The following PTPRT variants were observed in gnomAD, a reference collection of about 807,000 sequenced individuals.
PTPRT encodes the protein protein tyrosine phosphatase receptor type T, also known as receptor-type tyrosine-protein phosphatase T.
PTPRT carries 56 observed loss-of-function variants against 176.8 expected under a neutral mutation model. The observed-to-expected ratio is 0.32, with a 90% CI of 0.26 to 0.40. PTPRT has a LOEUF of 0.40. Among genes scored for constraint, PTPRT ranks in the 10% least tolerant of loss-of-function variants. The probability of loss-of-function intolerance (pLI) is 1.00; values close to 1 mark genes in which losing one functional copy is unlikely to be tolerated. For synonymous variants in PTPRT, 783 were observed against 739.0 expected, an observed-to-expected ratio of 1.06 and a Z score of -0.96; for missense variants, 1,540 against 1,908.2, an observed-to-expected ratio of 0.81 and a Z score of 3.60.
rs545813943 is a variant in PTPRT at position 42,894,228 on chromosome 20, G to A, written c.89-8296C>T. ...TTCAAGGAGAAATGAGAGTATTTGC[G>A]AGAGGACCAGAATGACAGCTGAGAC... On this transcript the variant is annotated intron_variant, in intron 1 of 30. Coordinates refer to ENST00000373187, the MANE Select transcript of PTPRT (RefSeq NM_007050.6). Among the ~76,000 whole-genome samples the A allele has an allele frequency of 1.6e-4, 25 of 152,202 alleles. No individual in the cohort carries two copies. The South Asian group carries it at 3.5e-3, about 21-fold the overall frequency.
At chr20:43,069,243 G>T (rs1414105843) in intron 1 of PTPRT, among the ~76,000 whole-genome samples, 1 of 152,054 alleles carries the variant, frequency 6.6e-6, no homozygotes, top group East Asian at 1.9e-4. Flanking sequence ...CATATGCTTG[G>T]GTCCCTCGGT....
intron 7 of PTPRT, among the ~76,000 whole-genome samples, chr20:42,637,599 C>T (rs1194933721): frequency 6.6e-6 from 1 of 152,124 alleles, no homozygotes; most frequent in Non-Finnish European, 1.5e-5. Context: ...CACAGTTCCC[C>T]TTTCATTACT....
Position 42,248,792 on chromosome 20 carries a change from T to A in PTPRT, c.2207A>T (p.Glu736Val), listed in dbSNP as rs765058435. 6.2e-7 allele frequency: 1 copy of A among 1,613,938 alleles called. No homozygotes were observed. The highest frequency in any genetic ancestry group is 1.1e-5 in the South Asian group (1 of 91,058). ...GGTGTTGTCCACCTGCTTCTCTGGC[T>A]CCACAGTGTTAGAATTCTGGGTGGA... is the stretch of plus-strand genomic sequence containing the variant. ...GASTQNSNTV[E>V]PEKQVDNTVK... is the part of the protein sequence containing the mutation. The change falls in exon 14 of 31, where the codon GAG (glutamate) becomes GTG (valine). Residue 736 changes from glutamate to valine, a missense_variant. Glu to Val is a moderately radical substitution (Grantham distance 121, BLOSUM62 -2). Coordinates refer to ENST00000373187, the MANE Select transcript of PTPRT (RefSeq NM_007050.6).
intron 15 of PTPRT, among the ~76,000 whole-genome samples, chr20:42,220,287 G>C (rs886091786): frequency 1.3e-5 from 2 of 152,204 alleles, no homozygotes; most frequent in African/African-American, 4.8e-5. Context: ...GGAAGACTCA[G>C]TATTGTTAAG....
chr20:42,693,053 T>C (rs2075816728), intron 6 of PTPRT, among the ~76,000 whole-genome samples: 1 of 152,228 alleles, frequency 6.6e-6, no homozygotes, highest in South Asian at 2.1e-4. Flanking sequence ...TTTACTGCAT[T>C]CTGTTCTACT....
chr20:43,034,368 G>A (rs986527424), intron 1 of PTPRT, among the ~76,000 whole-genome samples: 6 of 152,042 alleles, frequency 3.9e-5, no homozygotes, highest in Non-Finnish European at 7.4e-5. Flanking sequence ...CCCTATTCAC[G>A]ATTGCTACTG....
chr20:42,319,738 T>G (rs1398109494), intron 11 of PTPRT, among the ~76,000 whole-genome samples: 1 of 152,224 alleles, frequency 6.6e-6, no homozygotes, highest in African/African-American at 2.4e-5. Flanking sequence ...GTATTATTTG[T>G]ATTTCTTGCA....
chr20:42,635,850 T>C (rs2074585273), intron 7 of PTPRT, among the ~76,000 whole-genome samples: 1 of 152,140 alleles, frequency 6.6e-6, no homozygotes, highest in Admixed American at 6.6e-5. Flanking sequence ...ATCTGTAAAC[T>C]GCCAGCTTGA....
chr20:42,593,197 G>A (rs2073610441), intron 7 of PTPRT, among the ~76,000 whole-genome samples: 1 of 152,136 alleles, frequency 6.6e-6, no homozygotes, highest in Non-Finnish European at 1.5e-5. Flanking sequence ...GGAGGAGCAG[G>A]ATCCCCCAAA....
chr20:42,544,461 G>A (rs2072638105), intron 7 of PTPRT, among the ~76,000 whole-genome samples: 1 of 152,190 alleles, frequency 6.6e-6, no homozygotes, highest in South Asian at 2.1e-4. Context: ...TTAGGCTTTG[G>A]CTTAAGGGAA....
chr20:42,795,563 G>C (rs1167181080), intron 2 of PTPRT, among the ~76,000 whole-genome samples: 1 of 152,222 alleles, frequency 6.6e-6, no homozygotes, highest in Non-Finnish European at 1.5e-5. Flanking sequence ...TGGCAGCTGA[G>C]GGCCTTGGGC....
intron 8 of PTPRT, among the ~76,000 whole-genome samples, chr20:42,470,533 C>T (rs1173335794): frequency 1.3e-5 from 2 of 152,066 alleles, no homozygotes; most frequent in Non-Finnish European, 2.9e-5. Flanking sequence ...TAAAGCCATC[C>T]CACAAGGCAA....
At chr20:42,067,856 C>T (rs1982136101), downstream of PTPRT, among the ~76,000 whole-genome samples, 4 of 152,156 alleles carry the variant, frequency 2.6e-5, no homozygotes. Flanking sequence ...CCCAGTTTCC[C>T]AGCTAGTGTT....
intron 9 of PTPRT, among the ~76,000 whole-genome samples, chr20:42,405,092 AATATAT>A (rs1162589185): frequency 6.7e-6 from 1 of 149,432 alleles, no homozygotes; most frequent in Admixed American, 6.8e-5. Flanking sequence ...TATAAATATA[AATATAT>A]GTAAATTTAT....
At chr20:42,569,812 C>T (rs796078284) in intron 7 of PTPRT, among the ~76,000 whole-genome samples, 1 of 152,232 alleles carries the variant, frequency 6.6e-6, no homozygotes, top group African/African-American at 2.4e-5. Flanking sequence ...CCCAAGAAGA[C>T]GTTTATCATC....
intron 6 of PTPRT, among the ~76,000 whole-genome samples, chr20:42,686,991 C>A (rs543641499): frequency 1.6e-4 from 24 of 152,288 alleles, no homozygotes; most frequent in African/African-American, 5.3e-4. Flanking sequence ...CACCTGTAAA[C>A]TGGGGATATA....
chr20:42,732,606 G>A (rs982538754), intron 6 of PTPRT, among the ~76,000 whole-genome samples: 1 of 152,176 alleles, frequency 6.6e-6, no homozygotes. Flanking sequence ...GAAAACCACA[G>A]AGGTAAAAGC....
chr20:42,907,777 C>T (rs1305317102), intron 1 of PTPRT, among the ~76,000 whole-genome samples: 1 of 150,738 alleles, frequency 6.6e-6, no homozygotes, highest in Non-Finnish European at 1.5e-5. Context: ...CTCAGAGGCC[C>T]TGGGAACTTC....
chr20:42,643,818 T>A (rs1239843212), intron 7 of PTPRT, among the ~76,000 whole-genome samples: 2 of 151,948 alleles, frequency 1.3e-5, no homozygotes, highest in Non-Finnish European at 2.9e-5. Flanking sequence ...ACCCTCCCCT[T>A]GCCTGAGCAT....
Sources: allele counts gnomAD v4.1 joint callset (sites outside exome capture counted in the v4.1 genomes callset), GRCh38; gene constraint gnomAD v4.1.1; transcripts MANE v1.5; gene names NCBI Gene and HGNC (gene_info 2026-07-23, HGNC 2026-07-21).